Variants in ESR1 observed in about 807,000 individuals in gnomAD.
ESR1 encodes the protein estrogen receptor 1.
ESR1 carries 12 observed loss-of-function variants against 52.7 expected under a neutral mutation model. The observed-to-expected ratio is 0.23, with a 90% confidence interval of 0.15 to 0.37. The LOEUF is 0.37. Among genes scored for constraint, ESR1 ranks in the 10% least tolerant of loss-of-function variants. The pLI, the probability that ESR1 is intolerant of heterozygous loss-of-function variation, is 1.00. For missense variants in ESR1, 584 were observed against 779.7 expected, an observed-to-expected ratio of 0.75 and a Z score of 2.99; for synonymous variants, 305 against 316.8, an observed-to-expected ratio of 0.96 and a Z score of 0.39.
chr6:151,912,739 A>G (rs1269386055), intron 3 of ESR1, among the ~76,000 whole-genome samples: 1 of 152,306 alleles, frequency 6.6e-6, no homozygotes, highest in South Asian at 2.1e-4. Context: ...AAAGACAGCC[A>G]TAAAGCAGAA....
chr6:152,098,694 G>T lies in ESR1; in HGVS notation c.1554-38G>T, dbSNP rs774192369. ...TTCAGCACTCCTGGGGCTCGGGTTG[G>T]CTCTAAAGTAGTCCTTTCTGTGTCT... On this transcript the variant is annotated intron_variant, in intron 7 of 7. Coordinates refer to ENST00000206249, the MANE Select transcript of ESR1 (RefSeq NM_000125.4). This position sits in a 1 kb window ranked among gnomAD's most constrained non-coding sequence, Gnocchi z 5.1. 3.8e-6 allele frequency: 6 copies of T among 1,560,754 alleles called. No homozygotes were observed. The highest frequency in any genetic ancestry group is 4.4e-6 in the Non-Finnish European group (5 of 1,134,228).
rs60176370 is a variant in ESR1 at position 151,657,157 on chromosome 6, ATG to A, written n.73+396_73+397del. Among the ~76,000 whole-genome samples the A allele has an allele frequency of 2.8e-4, 42 of 152,296 alleles. No homozygotes were observed. In the East Asian group the frequency reaches 4.8e-3, roughly 17 times the overall value. ...CTGTCTATTCATATAGGGGCATCAT[ATG>A]TCTTTATCATTAAAAACTGATTTAG... On this transcript the variant is annotated intron_variant and non_coding_transcript_variant, in intron 1 of 2. Transcript: ENST00000473497.
At chr6:151,664,846 G>C (rs1376556147) in intron 1 of ESR1, among the ~76,000 whole-genome samples, 1 of 152,126 alleles carries the variant, frequency 6.6e-6, no homozygotes, top group African/African-American at 2.4e-5. Context: ...AAAAGAACTT[G>C]TTCTTCTTCC....
chr6:152,096,509 A>G (rs1484013060), intron 7 of ESR1: 2 of 366,082 alleles, frequency 5.5e-6, no homozygotes, highest in Non-Finnish European at 1.1e-5. Context: ...AGACTTACAT[A>G]TGGTATATGC....
chr6:151,702,084 G>A (rs1367276191), intron 2 of ESR1: 11 of 152,160 alleles, frequency 7.2e-5, no homozygotes. Context: ...TTGGTCATCA[G>A]TTTGGAGAAC....
At chr6:151,851,672 C>T (rs150814987) in intron 2 of ESR1, among the ~76,000 whole-genome samples, 10,491 of 151,870 alleles carry the variant, frequency 0.069, 776 homozygotes, top group East Asian at 0.25. Flanking sequence ...GGATTACAGG[C>T]GTCCACCACC....
intron 3 of ESR1, among the ~76,000 whole-genome samples, chr6:151,912,525 A>G (rs1798421656): frequency 6.6e-6 from 1 of 152,184 alleles, no homozygotes; most frequent in Admixed American, 6.5e-5. Flanking sequence ...CAAGGTTTCT[A>G]ATCCCACCAA....
intron 1 of ESR1, among the ~76,000 whole-genome samples, chr6:151,678,723 G>A (rs372070647): frequency 2.3e-4 from 34 of 147,494 alleles, no homozygotes; most frequent in South Asian, 2.2e-4. Context: ...GTCTTACTCC[G>A]TTGCCTGGGC....
chr6:152,024,786 GTATGTATCTATAAATATACATA>G (rs2043991558), intron 5 of ESR1, among the ~76,000 whole-genome samples: 1 of 147,564 alleles, frequency 6.8e-6, no homozygotes, highest in African/African-American at 2.5e-5. Context: ...ATATACATAT[GTATGTATCTATAAATATACATA>G]TATGTGTACA....
intron 2 of ESR1, among the ~76,000 whole-genome samples, chr6:151,873,860 G>T (rs947271004): frequency 6.6e-6 from 1 of 152,152 alleles, no homozygotes; most frequent in African/African-American, 2.4e-5. Flanking sequence ...TTCAAAATGT[G>T]ATAAACCATA....
At chr6:151,886,625 T>A (rs1258637503) in intron 3 of ESR1, among the ~76,000 whole-genome samples, 1 of 152,230 alleles carries the variant, frequency 6.6e-6, no homozygotes, top group Admixed American at 6.5e-5. Flanking sequence ...TATTTTCCTG[T>A]TGCTTGGGTT....
chr6:151,706,574 T>C (rs1582957586), intron 2 of ESR1, among the ~76,000 whole-genome samples: 1 of 151,976 alleles, frequency 6.6e-6, no homozygotes, highest in Admixed American at 6.6e-5. Flanking sequence ...CAGGGTAGGG[T>C]TCCTGGGATA....
At chr6:151,690,416 T>A (rs2115338415), upstream of ESR1, 1 of 152,322 alleles carries the variant, frequency 6.6e-6, no homozygotes, top group South Asian at 2.1e-4. Context: ...CCCTCCTCTA[T>A]TTTTTCAATG....
chr6:151,997,239 T>C (rs1224239131), intron 4 of ESR1, among the ~76,000 whole-genome samples: 1 of 152,172 alleles, frequency 6.6e-6, no homozygotes, highest in Non-Finnish European at 1.5e-5. Flanking sequence ...CTGAATTTTC[T>C]AAAAATATAA....
intron 4 of ESR1, among the ~76,000 whole-genome samples, chr6:152,003,959 T>C (rs1284562548): frequency 6.6e-6 from 1 of 152,048 alleles, no homozygotes; most frequent in Non-Finnish European, 1.5e-5. Flanking sequence ...TCATAAAATT[T>C]ATATTTAAAG....
At chr6:151,914,310 A>G (rs1423714524) in intron 3 of ESR1, among the ~76,000 whole-genome samples, 1 of 151,936 alleles carries the variant, frequency 6.6e-6, no homozygotes, top group Non-Finnish European at 1.5e-5. Flanking sequence ...ATATTGCCAT[A>G]TTTAAAACCC....
chr6:151,969,890 C>A (rs953798030), intron 4 of ESR1, among the ~76,000 whole-genome samples: 1 of 151,984 alleles, frequency 6.6e-6, no homozygotes, highest in Non-Finnish European at 1.5e-5. Context: ...CTCTCCACTT[C>A]GCTTTCCTTT....
chr6:151,709,671 G>A lies in ESR1; in HGVS notation c.-71+7666G>A, dbSNP rs1000630134. Among the ~76,000 whole-genome samples, 4 of 151,360 alleles carry A rather than the reference G, an allele frequency of 2.6e-5. No individual in the cohort carries two copies. The East Asian group carries it at 7.7e-4, about 29-fold the overall frequency. On this transcript the variant is annotated intron_variant, in intron 2 of 2. Coordinates refer to the ESR1 transcript ENST00000404742. Reference sequence around the variant, plus strand: ...ATACCCATTCTAACAGGTGTGAGATGATATCTCTTTGTGGTTTTAATTTCC... The same window carrying A: ...ATACCCATTCTAACAGGTGTGAGATAATATCTCTTTGTGGTTTTAATTTCC...
chr6:151,795,959 T>C (rs368329067), intron 2 of ESR1, among the ~76,000 whole-genome samples: 26 of 150,588 alleles, frequency 1.7e-4, no homozygotes, highest in African/African-American at 6.3e-4. Flanking sequence ...TCATCCTGGC[T>C]AACACAGTGA....
Sources: gnomAD v4.1 joint callset for allele counts (sites outside exome capture counted in the v4.1 genomes callset) on GRCh38, gnomAD v4.1.1 for gene constraint, Gnocchi (gnomAD v3.1) non-coding constraint, MANE v1.5 for transcripts, NCBI Gene and HGNC (gene_info 2026-07-23, HGNC 2026-07-21) for gene names.